The following ACYP2 variants were observed in gnomAD, a reference collection of about 807,000 sequenced individuals.
ACYP2 encodes the protein acylphosphatase 2, also known as acylphosphatase-2.
A neutral mutation model predicts 11.2 loss-of-function variants in ACYP2; 12 were observed. That is an observed-to-expected ratio of 1.08 (90% CI 0.69 to 1.74). ACYP2 has a LOEUF of 1.74. Ranked by LOEUF, ACYP2 falls within the 40% of genes most tolerant of loss-of-function variation. The pLI is 0.00. For synonymous variants in ACYP2, 43 were observed against 32.2 expected, an observed-to-expected ratio of 1.33 and a Z score of -1.13; for missense variants, 134 against 101.9, an observed-to-expected ratio of 1.31 and a Z score of -1.35.
intron 4 of ACYP2, among the ~76,000 whole-genome samples, chr2:54,127,931 A>T (rs1680641014): frequency 6.6e-6 from 1 of 152,226 alleles, no homozygotes; most frequent in Admixed American, 6.5e-5. Flanking sequence ...TTTGTTAGTG[A>T]CATCTTGAAA....
chr2:54,105,669 A>AT (rs1679118196), intron 4 of ACYP2, among the ~76,000 whole-genome samples: 1 of 151,512 alleles, frequency 6.6e-6, no homozygotes, highest in Admixed American at 6.6e-5. Context: ...TAATTTTTGT[A>AT]TTTTTTGTGG....
At chr2:54,250,148 C>T (rs940119802) in intron 6 of ACYP2, among the ~76,000 whole-genome samples, 3 of 151,910 alleles carry the variant, frequency 2.0e-5, no homozygotes, top group Non-Finnish European at 4.4e-5. Context: ...CTTAGTAAAC[C>T]GGATTAAATT....
chr2:54,272,854 T>C (rs1048057697), intron 6 of ACYP2, among the ~76,000 whole-genome samples: 2 of 152,238 alleles, frequency 1.3e-5, no homozygotes, highest in African/African-American at 4.8e-5. Context: ...AGACTTTCAA[T>C]GATAGAATAC....
intron 6 of ACYP2, among the ~76,000 whole-genome samples, chr2:54,250,395 C>T (rs576579505): frequency 6.7e-6 from 1 of 149,858 alleles, no homozygotes; most frequent in South Asian, 2.2e-4. Flanking sequence ...ATCACTTGAA[C>T]CTGGGGAGGT....
chr2:54,290,592 G>C (rs775348015), intron 6 of ACYP2, among the ~76,000 whole-genome samples: 2 of 150,060 alleles, frequency 1.3e-5, no homozygotes, highest in Non-Finnish European at 2.9e-5. Flanking sequence ...CAAGGCTTAA[G>C]TGATGCCTAA....
chr2:54,065,114 A>AATAC (rs1449158635), intron 4 of ACYP2, among the ~76,000 whole-genome samples: 162 of 131,380 alleles, frequency 1.2e-3, no homozygotes, highest in African/African-American at 4.0e-3. Flanking sequence ...TAAATAAATA[A>AATAC]ATAAATAAAT....
At chr2:54,294,564 C>T (rs1006789149) in intron 6 of ACYP2, among the ~76,000 whole-genome samples, 7 of 151,866 alleles carry the variant, frequency 4.6e-5, no homozygotes, top group Non-Finnish European at 1.0e-4. Context: ...ACTTGTCTAC[C>T]GTAAGTATTA....
intron 6 of ACYP2, among the ~76,000 whole-genome samples, chr2:54,207,435 C>A (rs1247983643): frequency 6.6e-6 from 1 of 152,096 alleles, no homozygotes. Context: ...GTGACACCCA[C>A]CCACATTATG....
chr2:54,209,631 C>T (rs1221168157), intron 6 of ACYP2, among the ~76,000 whole-genome samples: 3 of 152,054 alleles, frequency 2.0e-5, no homozygotes, highest in East Asian at 1.9e-4. Flanking sequence ...GTGTTGGCAC[C>T]GTCCTATCTC....
At chr2:54,090,048 G>C (rs1678143030) in intron 4 of ACYP2, among the ~76,000 whole-genome samples, 1 of 151,540 alleles carries the variant, frequency 6.6e-6, no homozygotes, top group Admixed American at 6.6e-5. Flanking sequence ...AGGAGGCTGA[G>C]TCAGGTGAAT....
chr2:54,141,322 T>G (rs1277537721), intron 6 of ACYP2, among the ~76,000 whole-genome samples: 4 of 152,236 alleles, frequency 2.6e-5, no homozygotes, highest in Non-Finnish European at 1.5e-5. Context: ...ATGGCTATTT[T>G]TTTCTCTCTG....
At chr2:54,187,898 G>A (rs1310221792) in intron 6 of ACYP2, among the ~76,000 whole-genome samples, 1 of 152,138 alleles carries the variant, frequency 6.6e-6, no homozygotes, top group Non-Finnish European at 1.5e-5. Context: ...GGATAATGCC[G>A]CTATGAAAAG....
At chr2:53,980,966 G>C (rs1385672430) in intron 2 of ACYP2, among the ~76,000 whole-genome samples, 4 of 151,912 alleles carry the variant, frequency 2.6e-5, no homozygotes, top group Non-Finnish European at 4.4e-5. Context: ...TGCCCAACGT[G>C]GTCTCGAACT....
intron 6 of ACYP2, among the ~76,000 whole-genome samples, chr2:54,228,461 CT>C (rs1339225522): frequency 4.6e-5 from 7 of 152,174 alleles, no homozygotes; most frequent in Non-Finnish European, 5.9e-5. Flanking sequence ...AGTTAAGAAA[CT>C]TACTTAAGGT....
chr2:54,176,458 C>T (rs1261793858), intron 6 of ACYP2, among the ~76,000 whole-genome samples: 1 of 152,162 alleles, frequency 6.6e-6, no homozygotes, highest in Non-Finnish European at 1.5e-5. Flanking sequence ...GGACTGCTGT[C>T]TGAACTTTTG....
intron 4 of ACYP2, among the ~76,000 whole-genome samples, chr2:54,109,056 G>T (rs1313354433): frequency 2.0e-5 from 3 of 152,068 alleles, no homozygotes; most frequent in African/African-American, 7.3e-5. Flanking sequence ...TTAACTGTTT[G>T]GTCCTATCTA....
intron 6 of ACYP2, among the ~76,000 whole-genome samples, chr2:54,206,359 C>T (rs893359029): frequency 3.9e-5 from 6 of 152,204 alleles, no homozygotes; most frequent in Admixed American, 2.6e-4. Flanking sequence ...CATTGCTGGT[C>T]GTGCTTGGAA....
intron 6 of ACYP2, among the ~76,000 whole-genome samples, chr2:54,182,082 C>T (rs56889075): frequency 0.055 from 4,228 of 76,676 alleles, 237 homozygotes; most frequent in African/African-American, 0.2. Flanking sequence ...TTGGTTGAGA[C>T]GGAGTTTTGC....
At chr2:54,035,338 G>T (rs866128462) in intron 2 of ACYP2, among the ~76,000 whole-genome samples, 23 of 147,484 alleles carry the variant, frequency 1.6e-4, no homozygotes, top group Middle Eastern at 3.4e-3. Flanking sequence ...CGATCTCGGC[G>T]CACTGCAAGC....
Sources: allele counts gnomAD v4.1 joint callset (sites outside exome capture counted in the v4.1 genomes callset), GRCh38; gene constraint gnomAD v4.1.1; transcripts MANE v1.5; gene names NCBI Gene and HGNC (gene_info 2026-07-23, HGNC 2026-07-21).